Variants in SULF1 observed in about 807,000 individuals in gnomAD.
The protein encoded by SULF1 is sulfatase 1.
In SULF1, 46 loss-of-function variants were observed where a neutral mutation model predicts 110.5. That is an observed-to-expected ratio of 0.42 (90% CI 0.33 to 0.53). The LOEUF is 0.53. Ranked by LOEUF, SULF1 falls within the 20% of genes least tolerant of loss-of-function variation. The pLI is 0.12. For missense variants in SULF1, 941 were observed against 1,094.2 expected, an observed-to-expected ratio of 0.86 and a Z score of 1.98; for synonymous variants, 371 against 387.1, an observed-to-expected ratio of 0.96 and a Z score of 0.49.
intron 1 of SULF1, among the ~76,000 whole-genome samples, chr8:69,477,074 C>T (rs1270867433): frequency 6.6e-6 from 1 of 152,098 alleles, no homozygotes; most frequent in African/African-American, 2.4e-5. Context: ...ATTCAAGATT[C>T]TACTCCTACA....
chr8:69,529,400 G>A (rs985703121), intron 3 of SULF1, among the ~76,000 whole-genome samples: 2 of 152,116 alleles, frequency 1.3e-5, no homozygotes, highest in Non-Finnish European at 2.9e-5. Context: ...CTCTAACTAC[G>A]AAACTGAATC....
intron 22 of SULF1, among the ~76,000 whole-genome samples, chr8:69,651,718 G>C (rs1302542216): frequency 6.6e-6 from 1 of 151,712 alleles, no homozygotes; most frequent in Non-Finnish European, 1.5e-5. Context: ...AATTCCACTG[G>C]GTCATTGTGT....
At chr8:69,646,485 G>A (rs1426475208) in intron 22 of SULF1, among the ~76,000 whole-genome samples, 1 of 150,856 alleles carries the variant, frequency 6.6e-6, no homozygotes. Flanking sequence ...GAGGGCCGTG[G>A]CACCATCTTG....
In SULF1 at chr8:69,493,460, C is replaced by CT. The variant is rs1362800036; in HGVS notation, c.-391+335_-391+336insT. ...ACACACACAACACTACACACACACA[C>CT]ACACACACACACACACACACACACA... On this transcript the variant is annotated intron_variant, in intron 1 of 22. Transcript: ENST00000402687. Among the ~76,000 whole-genome samples, 28 of 56,650 alleles carry CT rather than the reference C, an allele frequency of 4.9e-4. 1 individual carries two copies. In the East Asian group the frequency reaches 0.053, roughly 107 times the overall value. 37.2% of individuals were successfully genotyped at this position (56,650 alleles called of 152,430 possible).
intron 3 of SULF1, among the ~76,000 whole-genome samples, chr8:69,529,438 CT>C (rs1251828375): frequency 2.0e-5 from 3 of 152,114 alleles, no homozygotes; most frequent in Non-Finnish European, 1.5e-5. Flanking sequence ...TGACATTGCT[CT>C]TTTTTAGAAA....
chr8:69,491,971 T>C (rs1200551172), upstream of SULF1, among the ~76,000 whole-genome samples: 1 of 150,836 alleles, frequency 6.6e-6, no homozygotes, highest in Non-Finnish European at 1.5e-5. Context: ...GATGGGGGTA[T>C]GAGTAAAGAT....
intron 3 of SULF1, among the ~76,000 whole-genome samples, chr8:69,542,192 A>G (rs769068983): frequency 2.3e-4 from 35 of 152,138 alleles, no homozygotes; most frequent in Admixed American, 2.1e-3. Flanking sequence ...GGAGGTCACT[A>G]CTGTAAGACC....
At chr8:69,640,965 C>T in intron 22 of SULF1, 124 bp downstream of exon 22, 1 of 765,164 alleles carries the variant, frequency 1.3e-6, no homozygotes, top group South Asian at 2.2e-5. Context: ...CATGCTTGTT[C>T]TAACAGCATT....
intron 22 of SULF1, among the ~76,000 whole-genome samples, chr8:69,649,698 T>C (rs186494609): frequency 6.6e-6 from 1 of 152,168 alleles, no homozygotes; most frequent in Non-Finnish European, 1.5e-5. Flanking sequence ...CAGGATTGAA[T>C]TGAAGCTGTG....
rs763195915 is a variant in SULF1 at position 69,624,020 on chromosome 8, A to C, written c.1673A>C (p.Asn558Thr). The change falls in exon 15 of 23, where the codon AAT becomes ACT. Residue 558 changes from asparagine to threonine, a missense_variant. Physicochemically the swap from Asn to Thr is moderately conservative, Grantham distance 65. This residue lies in a region of SULF1 where 822 missense variants were observed against 934.3 expected (regional missense o/e 0.88). Transcript: ENST00000402687. ...TTTGAAGGTGAAATATATGACATAAATCTGGAAGAAGAAGAAGAATTGCAA... is the reference window on the plus strand; with the variant it reads ...TTTGAAGGTGAAATATATGACATAACTCTGGAAGAAGAAGAAGAATTGCAA... ...VEFEGEIYDI[N>T]LEEEEELQVL... 6.2e-7 allele frequency: 1 copy of C among 1,614,198 alleles called. No individual in the cohort carries two copies. The highest frequency in any genetic ancestry group is 8.5e-7 in the Non-Finnish European group (1 of 1,180,028).
chr8:69,484,485 T>G (rs16935938), intron 1 of SULF1, among the ~76,000 whole-genome samples: 1 of 152,174 alleles, frequency 6.6e-6, no homozygotes, highest in Non-Finnish European at 1.5e-5. Flanking sequence ...CTCAACTTTA[T>G]AGTAAAGCAC....
chr8:69,620,362 C>A (rs1809506274), intron 13 of SULF1, among the ~76,000 whole-genome samples: 1 of 152,198 alleles, frequency 6.6e-6, no homozygotes, highest in African/African-American at 2.4e-5. Context: ...GAATCCCTGT[C>A]CCCATTTAGG....
At chr8:69,594,648 G>A (rs148935486) in intron 8 of SULF1, among the ~76,000 whole-genome samples, 7 of 151,978 alleles carry the variant, frequency 4.6e-5, no homozygotes, top group African/African-American at 9.7e-5. Context: ...TTGCACATTC[G>A]TACCTCTTTC....
chr8:69,574,502 A>G (rs997926240), intron 5 of SULF1, among the ~76,000 whole-genome samples: 27 of 152,110 alleles, frequency 1.8e-4, no homozygotes, highest in African/African-American at 5.3e-4. Context: ...CTCTATTTTT[A>G]TATGCCCTGC....
chr8:69,545,892 A>C (rs1814227161), intron 3 of SULF1, among the ~76,000 whole-genome samples: 2 of 152,126 alleles, frequency 1.3e-5, no homozygotes. Flanking sequence ...ACAGGGTTTC[A>C]TCATGTTGGC....
At chr8:69,576,923 T>C (rs763459182) in intron 6 of SULF1, among the ~76,000 whole-genome samples, 3 of 152,226 alleles carry the variant, frequency 2.0e-5, no homozygotes, top group Non-Finnish European at 4.4e-5. Flanking sequence ...GGCCTACAAT[T>C]TCTCTATTTT....
chr8:69,496,593 C>G (rs1299038904), intron 2 of SULF1, among the ~76,000 whole-genome samples: 2 of 152,128 alleles, frequency 1.3e-5, no homozygotes, highest in African/African-American at 2.4e-5. Flanking sequence ...AAGGAAGGAA[C>G]AAGATATATT....
chr8:69,542,684 T>G (rs1813942940), intron 3 of SULF1, among the ~76,000 whole-genome samples: 1 of 152,206 alleles, frequency 6.6e-6, no homozygotes, highest in African/African-American at 2.4e-5. Context: ...TAAAATAAGT[T>G]GAATACGATG....
intron 1 of SULF1, among the ~76,000 whole-genome samples, chr8:69,484,242 T>C (rs760168886): frequency 6.6e-6 from 1 of 152,240 alleles, no homozygotes; most frequent in African/African-American, 2.4e-5. Context: ...AAACATAGTT[T>C]ATATGGAAAA....
Sources: allele counts gnomAD v4.1 joint callset (sites outside exome capture counted in the v4.1 genomes callset), GRCh38; gene constraint gnomAD v4.1.1; regional missense constraint gnomAD v4.1.1; transcripts MANE v1.5; gene names NCBI Gene and HGNC (gene_info 2026-07-23, HGNC 2026-07-21).